ZNF469: variants seen among roughly 807,000 people sequenced by gnomAD.
The protein encoded by ZNF469 is zinc finger protein 469.
ZNF469 carries 1 observed loss-of-function variant against 1.0 expected under a neutral mutation model. The ratio of observed to expected loss-of-function variants is 1.00; its 90% CI spans 0.35 to 4.73. The LOEUF (loss-of-function observed/expected upper bound fraction) is 4.73. Ranked by LOEUF, ZNF469 falls within the 30% of genes most tolerant of loss-of-function variation. ZNF469 has a pLI of 0.16. For missense variants in ZNF469, 6,100 were observed against 5,356.3 expected (o/e 1.14, Z -4.33); for synonymous variants, 2,703 against 2,363.4 (o/e 1.14, Z -4.17).
At chr16:88,262,542 G>A in the ZNF469 span, among the ~76,000 whole-genome samples, 1 of 152,176 alleles carries the variant, frequency 6.6e-6, no homozygotes, top group Non-Finnish European at 1.5e-5. The surrounding 1 kb of genome is among the most constrained non-coding windows in gnomAD (Gnocchi z 4.3). Flanking sequence ...TAGGGCTCTG[G>A]GGCAGCTCTG....
At chr16:88,383,857 C>T (rs960107515) in intron 1 of ZNF469, among the ~76,000 whole-genome samples, 1 of 152,170 alleles carries the variant, frequency 6.6e-6, no homozygotes, top group African/African-American at 2.4e-5. Context: ...GCCCCGCGCA[C>T]CCCCAGAGGC....
At chr16:88,104,316 T>C in the ZNF469 span, among the ~76,000 whole-genome samples, 1 of 150,244 alleles carries the variant, frequency 6.7e-6, no homozygotes, top group Admixed American at 6.6e-5. Context: ...AGTTCACCCA[T>C]CAAAGTGCAA....
the ZNF469 span, among the ~76,000 whole-genome samples, chr16:88,330,753 C>A: frequency 6.6e-6 from 1 of 152,208 alleles, no homozygotes; most frequent in South Asian, 2.1e-4. Flanking sequence ...AGGCTGCACA[C>A]TGAGTGACAG....
chr16:88,344,687 G>A, the ZNF469 span, among the ~76,000 whole-genome samples: 469 of 152,354 alleles, frequency 3.1e-3, 2 homozygotes, highest in Non-Finnish European at 5.6e-3. Context: ...TGCAAAGAGC[G>A]TGGGAAGCAG....
the ZNF469 span, among the ~76,000 whole-genome samples, chr16:88,307,293 T>C: frequency 1.8e-3 from 273 of 152,364 alleles, 1 homozygote; most frequent in Middle Eastern, 3.4e-3. Flanking sequence ...CTATTGTGAA[T>C]AATGAACATT....
At chr16:88,403,631 G>T (rs956833205) in intron 1 of ZNF469, among the ~76,000 whole-genome samples, 8 of 152,246 alleles carry the variant, frequency 5.3e-5, no homozygotes, top group African/African-American at 1.4e-4. Flanking sequence ...AGGGAGCAGG[G>T]CCTCCTGCCC....
chr16:88,422,371 G>A (rs915345589), intron 1 of ZNF469, among the ~76,000 whole-genome samples: 1 of 147,186 alleles, frequency 6.8e-6, no homozygotes, highest in Admixed American at 6.7e-5. Context: ...ATGAATGGGT[G>A]GATGAATGAA....
the ZNF469 span, among the ~76,000 whole-genome samples, chr16:88,290,878 C>T: frequency 1.3e-5 from 2 of 152,238 alleles, no homozygotes; most frequent in African/African-American, 4.8e-5. Context: ...TTCAGGACAG[C>T]ATCTTTCCAG....
In ZNF469 at chr16:88,416,033, A is replaced by T. The variant is rs574330149; in HGVS notation, c.-191-8774A>T. On this transcript the variant is annotated intron_variant, in intron 1 of 2. Coordinates refer to ENST00000565624, the MANE Select transcript of ZNF469 (RefSeq NM_001367624.2). ...CCTCTCGTCCTTAGGAGGCAAAATT[A>T]TAATCACTTTTAATTGAAAAAGGAG... 2.6e-5 allele frequency among the ~76,000 whole-genome samples: 4 copies of T among 152,242 alleles called. No homozygotes were observed. In the South Asian group the frequency reaches 8.3e-4, roughly 32 times the overall value.
At chr16:88,321,218 G>A in the ZNF469 span, among the ~76,000 whole-genome samples, 16 of 152,376 alleles carry the variant, frequency 1.1e-4, no homozygotes, top group African/African-American at 3.6e-4. Context: ...TTTCCCCCTC[G>A]GGATCTTGCT....
the ZNF469 span, among the ~76,000 whole-genome samples, chr16:88,288,652 C>T: frequency 3.1e-4 from 47 of 152,274 alleles, no homozygotes; most frequent in Admixed American, 1.2e-3. Context: ...TGGAGCTAGA[C>T]GGGACCCCTG....
In ZNF469 at chr16:88,439,487, T is replaced by A; in HGVS notation, c.*155T>A. ...GATGTCAGAGCTGAGGTGGTGATGC[T>A]TTGAACAGGGCCCAGGTGGGCAGCA... On this transcript the variant is annotated 3_prime_UTR_variant, in exon 3 of 3. Transcript: ENST00000565624. 1 of 858,906 alleles carries A rather than the reference T, an allele frequency of 1.2e-6. No homozygotes were observed. The highest frequency in any genetic ancestry group is 2.3e-5 in the Admixed American group (1 of 43,430). 53.2% of individuals were successfully genotyped at this position (858,906 alleles called of 1,614,324 possible).
chr16:88,424,493 G>A lies in ZNF469; in HGVS notation c.-191-314G>A, dbSNP rs1597203831. Among the ~76,000 whole-genome samples the A allele has an allele frequency of 3.9e-5, 6 of 152,242 alleles. No individual in the cohort carries two copies. Among genetic ancestry groups the A allele is most frequent in the Middle Eastern group, 3.4e-3 (1 of 294 alleles). On this transcript the variant is annotated intron_variant, in intron 1 of 2. Coordinates refer to ENST00000565624, the MANE Select transcript of ZNF469 (RefSeq NM_001367624.2). The surrounding 1 kb of genome is among the most constrained non-coding windows in gnomAD (Gnocchi z 4.3). ...GCAACTCGTAATAATCTGGAGCTTC[G>A]GAGCTGCATGTACACACAATCTATG...
the ZNF469 span, among the ~76,000 whole-genome samples, chr16:88,263,875 C>T: frequency 1.3e-5 from 2 of 152,088 alleles, no homozygotes; most frequent in Non-Finnish European, 2.9e-5. Flanking sequence ...GCCTTCCTGC[C>T]TCCTTGCTGG....
chr16:88,410,525 A>G (rs924724088), intron 1 of ZNF469, among the ~76,000 whole-genome samples: 3 of 145,210 alleles, frequency 2.1e-5, no homozygotes, highest in South Asian at 4.4e-4. Context: ...GTCATGGAGA[A>G]GTTCACGGTG....
the ZNF469 span, among the ~76,000 whole-genome samples, chr16:88,266,030 C>A: frequency 6.6e-6 from 1 of 152,260 alleles, no homozygotes; most frequent in Non-Finnish European, 1.5e-5. Flanking sequence ...GAGCTGCCAC[C>A]CCTAAGTGCC....
At chr16:88,186,134 C>T in the ZNF469 span, among the ~76,000 whole-genome samples, 2 of 152,238 alleles carry the variant, frequency 1.3e-5, no homozygotes, top group Non-Finnish European at 1.5e-5. Flanking sequence ...GTCCGTCTTC[C>T]TGTGGAGTGT....
chr16:88,220,834 C>A, the ZNF469 span, among the ~76,000 whole-genome samples: 1 of 152,226 alleles, frequency 6.6e-6, no homozygotes, highest in South Asian at 2.1e-4. Flanking sequence ...CCTGGCCTGG[C>A]TCCCAAATTA....
the ZNF469 span, among the ~76,000 whole-genome samples, chr16:88,211,592 G>A: frequency 6.6e-6 from 1 of 152,174 alleles, no homozygotes; most frequent in Non-Finnish European, 1.5e-5. Flanking sequence ...TGATTTCTCG[G>A]TGTCTGTTTT....
Sources: gnomAD v4.1 joint callset for allele counts (sites outside exome capture counted in the v4.1 genomes callset) on GRCh38, gnomAD v4.1.1 for gene constraint, Gnocchi (gnomAD v3.1) non-coding constraint, MANE v1.5 for transcripts, NCBI Gene and HGNC (gene_info 2026-07-23, HGNC 2026-07-21) for gene names.